NAV1: variants seen among roughly 807,000 people sequenced by gnomAD.
The protein encoded by NAV1 is neuron navigator 1.
NAV1 carries 18 observed loss-of-function variants against 175.2 expected under a neutral mutation model. That is an observed-to-expected ratio of 0.10 (90% CI 0.07 to 0.15). The LOEUF (loss-of-function observed/expected upper bound fraction) is 0.15, where lower values mean the gene tolerates loss of function less well. Among genes scored for constraint, NAV1 ranks in the 10% least tolerant of loss-of-function variants. The pLI is 1.00. For synonymous variants in NAV1, 897 were observed against 978.7 expected (o/e 0.92, Z 1.56); for missense variants, 1,731 against 2,436.6 (o/e 0.71, Z 6.10).
exon 30 of NAV1, chr1:201,825,928 C>T (rs1679646116): frequency 1.3e-5 from 2 of 152,238 alleles, no homozygotes; most frequent in African/African-American, 4.8e-5. Context: ...TCCCAAAGTG[C>T]TGGGATTACA....
chr1:201,556,894 A>C (rs567001087), intron 1 of NAV1, among the ~76,000 whole-genome samples: 176 of 152,310 alleles, frequency 1.2e-3, no homozygotes, highest in Non-Finnish European at 2.1e-3. Context: ...CTGTAAAAAC[A>C]GGGGCTTAAT....
intron 1 of NAV1, among the ~76,000 whole-genome samples, chr1:201,690,450 C>T (rs1229235956): frequency 8.5e-6 from 1 of 117,642 alleles, no homozygotes; most frequent in Non-Finnish European, 1.8e-5. Context: ...ATGTCTATTT[C>T]CTCTCTGGCC....
At chr1:201,558,237 C>G (rs1394880317) in intron 1 of NAV1, among the ~76,000 whole-genome samples, 1 of 152,116 alleles carries the variant, frequency 6.6e-6, no homozygotes, top group Non-Finnish European at 1.5e-5. Flanking sequence ...ACTCCATAAC[C>G]CAGTGAGGTC....
At chr1:201,778,187 G>A (rs1264106096) in intron 3 of NAV1, among the ~76,000 whole-genome samples, 1 of 152,112 alleles carries the variant, frequency 6.6e-6, no homozygotes, top group African/African-American at 2.4e-5. Flanking sequence ...GGACCCAAAC[G>A]CTCTCCTAGA....
At chr1:201,738,092 G>A (rs1219291439) in intron 3 of NAV1, among the ~76,000 whole-genome samples, 1 of 152,028 alleles carries the variant, frequency 6.6e-6, no homozygotes, top group East Asian at 1.9e-4. Context: ...AAGAATATGT[G>A]AGAGAGAACC....
At chr1:201,692,046 T>C (rs1297658243) in intron 1 of NAV1, among the ~76,000 whole-genome samples, 1 of 152,198 alleles carries the variant, frequency 6.6e-6, no homozygotes, top group Admixed American at 6.5e-5. Flanking sequence ...CTTTTCCCTT[T>C]ACCCTGCCCC....
At chr1:201,793,909 T>TGGGGGGGGGGGGGGGCC in intron 14 of NAV1, 34 bp downstream of exon 18, 3 of 516,470 alleles carry the variant, frequency 5.8e-6, no homozygotes, top group East Asian at 5.7e-5. Context: ...GAGGGGTGGG[T>TGGGGGGGGGGGGGGGCC]GCGGCGAGGG....
Position 201,794,477 on chromosome 1 carries a change from G to C in NAV1, c.3417G>C (p.Leu1139=), listed in dbSNP as rs1243021732. 6.2e-6 allele frequency: 10 copies of C among 1,613,156 alleles called. No individual in the cohort carries two copies. The African/African-American group carries it at 1.3e-4, about 22-fold the overall frequency. ...CATTTCTCTCTTAGGACACTGAGCT[G>C]CTGGATTTGCGAGAAACCATAGACT... Residue 1139 remains leucine (L), a synonymous_variant, in exon 15 of 30, where the codon CTG becomes CTC. Coordinates refer to ENST00000367296, the Ensembl canonical transcript of NAV1.
exon 29 of NAV1, chr1:201,817,227 C>G: frequency 6.2e-7 from 1 of 1,614,172 alleles, no homozygotes; most frequent in Non-Finnish European, 8.5e-7. Context: ...ATTGCCTCAC[C>G]TCCCGAGGAT....
chr1:201,624,086 A>G (rs750930181), intron 1 of NAV1, among the ~76,000 whole-genome samples: 1 of 152,074 alleles, frequency 6.6e-6, no homozygotes, highest in Non-Finnish European at 1.5e-5. Context: ...TTGCACTCAT[A>G]CCTTGTACCT....
rs772462801 is a variant in NAV1 at position 201,812,510 on chromosome 1, G to C, written c.5070G>C (p.Leu1690=). Residue 1690 remains leucine, a synonymous_variant, in exon 27 of 30, where the codon CTG becomes CTC. Transcript: ENST00000367296. The surrounding 1 kb of genome is among the most constrained non-coding windows in gnomAD (Gnocchi z 4.6). The stretch of plus-strand genomic sequence containing the variant: ...ACGTGGAGCCAGCCAATGGCTTCCT[G>C]GTTCGTTACCTGAGGAGGAAGCTGG... The C allele has an allele frequency of 6.2e-7, 1 of 1,614,054 alleles. No homozygotes were observed. The highest frequency in any genetic ancestry group is 1.3e-5 in the African/African-American group (1 of 74,926).
rs114644978 is a variant in NAV1 at position 201,787,244 on chromosome 1, C to T, written c.2995+667C>T. Among the ~76,000 whole-genome samples, 263 of 152,350 alleles carry T rather than the reference C, an allele frequency of 1.7e-3. 4 individuals are homozygous for T. Among genetic ancestry groups the T allele is most frequent in the African/African-American group, 6.2e-3 (258 of 41,580 alleles). Reference sequence around the variant, plus strand: ...CCAGCTCCGGTTCTGTGAAGCAGTACGCCATGATTGGCCTACTAGGAATCC... The same window carrying T: ...CCAGCTCCGGTTCTGTGAAGCAGTATGCCATGATTGGCCTACTAGGAATCC... On this transcript the variant is annotated intron_variant, in intron 9 of 29. Coordinates refer to ENST00000367296, the Ensembl canonical transcript of NAV1. The surrounding 1 kb of genome is among the most constrained non-coding windows in gnomAD (Gnocchi z 4.3).
chr1:201,820,003 C>G, exon 30 of NAV1: 1 of 1,414,118 alleles, frequency 7.1e-7, no homozygotes, highest in Non-Finnish European at 1.0e-6. Flanking sequence ...CTCCTCTCCC[C>G]TCTCCTCTTT....
At chr1:201,747,419 G>A (rs993157851) in intron 3 of NAV1, among the ~76,000 whole-genome samples, 1 of 152,234 alleles carries the variant, frequency 6.6e-6, no homozygotes, top group Non-Finnish European at 1.5e-5. Context: ...CTTTAAAACA[G>A]AAGTAGTATT....
intron 1 of NAV1, among the ~76,000 whole-genome samples, chr1:201,559,625 T>C (rs1030288470): frequency 5.9e-5 from 9 of 151,938 alleles, no homozygotes; most frequent in Admixed American, 5.9e-4. Flanking sequence ...CCCAGAGCTG[T>C]GGAAGGATTA....
chr1:201,711,628 T>C (rs1269001162), intron 1 of NAV1, among the ~76,000 whole-genome samples: 1 of 151,860 alleles, frequency 6.6e-6, no homozygotes, highest in Non-Finnish European at 1.5e-5. Flanking sequence ...AGAGCCAGAG[T>C]TCTTGGGTTT....
chr1:201,540,518 CG>C, intron 1 of NAV1, among the ~76,000 whole-genome samples: 1 of 152,172 alleles, frequency 6.6e-6, no homozygotes, highest in East Asian at 1.9e-4. Context: ...CTGGAGACTT[CG>C]CAAAAAGAAT....
At chr1:201,800,067 G>A (rs1020245174) in intron 15 of NAV1, among the ~76,000 whole-genome samples, 2 of 151,618 alleles carry the variant, frequency 1.3e-5, no homozygotes, top group South Asian at 2.1e-4. Flanking sequence ...TGGTGCTATC[G>A]CAGCTCACTG....
chr1:201,629,494 C>G, exon 2 of NAV1: 2 of 1,303,892 alleles, frequency 1.5e-6, no homozygotes, highest in Non-Finnish European at 2.0e-6. Flanking sequence ...CTGAGGAGAG[C>G]TTCTCCTGCA....
Sources: allele counts gnomAD v4.1 joint callset (sites outside exome capture counted in the v4.1 genomes callset), GRCh38; gene constraint gnomAD v4.1.1; non-coding constraint Gnocchi (gnomAD v3.1); transcripts MANE v1.5; gene names NCBI Gene and HGNC (gene_info 2026-07-23, HGNC 2026-07-21).